The following NTM variants were observed in gnomAD, a reference collection of about 807,000 sequenced individuals.
NTM encodes neurotrimin, also known as IgLON family member 2.
Under a neutral mutation model 42.1 loss-of-function variants are expected in NTM, and 13 were observed. The ratio of observed to expected loss-of-function variants is 0.31; its 90% CI spans 0.20 to 0.49. The LOEUF is 0.49. Ranked by LOEUF, NTM falls within the 20% of genes least tolerant of loss-of-function variation. The probability of loss-of-function intolerance (pLI) is 0.99; values close to 1 mark genes in which losing one functional copy is unlikely to be tolerated. For synonymous variants in NTM, 187 were observed against 179.2 expected, an observed-to-expected ratio of 1.04 and a Z score of -0.35; for missense variants, 373 against 452.8, an observed-to-expected ratio of 0.82 and a Z score of 1.60.
At position 131,891,652 on chromosome 11, in the gene NTM, C is replaced by A. The variant is rs552307259; in HGVS notation, c.83-19912C>A. Among the ~76,000 whole-genome samples the A allele has an allele frequency of 2.0e-5, 3 of 152,250 alleles. No homozygotes were observed. In the South Asian group the frequency reaches 6.2e-4, roughly 32 times the overall value. On this transcript the variant is annotated intron_variant, in intron 1 of 8. Transcript: ENST00000683400. ...GGAAAGCACCCCACAGGGCTCTCTGCGGTGGGAGTTGTGTCACTGGTCCTT... is the reference window on the plus strand; with the variant it reads ...GGAAAGCACCCCACAGGGCTCTCTGAGGTGGGAGTTGTGTCACTGGTCCTT...
chr11:131,753,014 A>C (rs1416567100), intron 1 of NTM, among the ~76,000 whole-genome samples: 2 of 150,820 alleles, frequency 1.3e-5, no homozygotes, highest in African/African-American at 4.9e-5. Flanking sequence ...TAATATCCAG[A>C]ATCTACAATG....
At chr11:131,504,467 T>C (rs1397277927) in intron 1 of NTM, among the ~76,000 whole-genome samples, 2 of 152,186 alleles carry the variant, frequency 1.3e-5, no homozygotes, top group African/African-American at 4.8e-5. Context: ...CGGATCGAAT[T>C]TCTTGGCAGA....
At chr11:131,874,015 T>TATATAATATAATATA (rs1314514357) in intron 1 of NTM, among the ~76,000 whole-genome samples, 52 of 67,492 alleles carry the variant, frequency 7.7e-4, no homozygotes, top group African/African-American at 1.9e-3. Flanking sequence ...ATAATATATT[T>TATATAATATAATATA]ATATAATATA....
intron 4 of NTM, among the ~76,000 whole-genome samples, chr11:132,217,594 G>T (rs568771041): frequency 1.3e-5 from 2 of 152,108 alleles, no homozygotes; most frequent in East Asian, 1.9e-4. Context: ...CCAAGCCCTT[G>T]TTCTGCAAGC....
At chr11:131,815,717 G>T (rs2092925919) in intron 1 of NTM, among the ~76,000 whole-genome samples, 1 of 152,158 alleles carries the variant, frequency 6.6e-6, no homozygotes. Flanking sequence ...CAGCAGAAGG[G>T]CCTAAATTGG....
At chr11:131,888,173 C>T (rs750481652) in intron 1 of NTM, among the ~76,000 whole-genome samples, 16 of 151,988 alleles carry the variant, frequency 1.1e-4, no homozygotes, top group East Asian at 1.9e-4. Flanking sequence ...TGGTGGCGTG[C>T]GCCTGTGGTT....
At chr11:131,745,586 C>T (rs1207148721) in intron 1 of NTM, among the ~76,000 whole-genome samples, 3 of 152,172 alleles carry the variant, frequency 2.0e-5, no homozygotes, top group African/African-American at 7.2e-5. Context: ...TTGAAAGGAT[C>T]AGAGGACTGG....
chr11:131,486,158 A>G (rs1565552810), intron 1 of NTM, among the ~76,000 whole-genome samples: 1 of 152,154 alleles, frequency 6.6e-6, no homozygotes. Flanking sequence ...TGATGATGAT[A>G]ATGATAATAG....
intron 2 of NTM, among the ~76,000 whole-genome samples, chr11:132,019,009 T>C (rs1593778480): frequency 6.6e-6 from 1 of 152,126 alleles, no homozygotes; most frequent in African/African-American, 2.4e-5. Flanking sequence ...AGGTTGTTAA[T>C]AGTATGGTCT....
intron 7 of NTM, chr11:132,317,810 CT>C (rs1226117817): frequency 3.5e-5 from 17 of 485,480 alleles, no homozygotes; most frequent in Admixed American, 1.2e-4. Context: ...ATGTGGAAGG[CT>C]ATTGAAGGAG....
intron 2 of NTM, among the ~76,000 whole-genome samples, chr11:132,043,156 C>T (rs1053408422): frequency 7.9e-5 from 12 of 152,066 alleles, no homozygotes; most frequent in African/African-American, 2.4e-4. Context: ...GCTTTTTGGT[C>T]GTAGCTGAGG....
intron 1 of NTM, among the ~76,000 whole-genome samples, chr11:131,486,886 C>T (rs1213477093): frequency 1.3e-5 from 2 of 152,144 alleles, no homozygotes; most frequent in African/African-American, 2.4e-5. Flanking sequence ...GGATGCCAGC[C>T]CTGGATGGAC....
rs1475982452 is a variant in NTM, at chr11:131,882,417, A to G, written c.83-29147A>G. Reference sequence around the variant, plus strand: ...GAGGCTCACCCCTGTTATGGAGAGTAATCTGCTTTACTGACAGTTCATGGA... The same window carrying G: ...GAGGCTCACCCCTGTTATGGAGAGTGATCTGCTTTACTGACAGTTCATGGA... On this transcript the variant is annotated intron_variant, in intron 1 of 8. Coordinates refer to ENST00000683400, the MANE Select transcript of NTM (RefSeq NM_001352005.2). Among the ~76,000 whole-genome samples, 14 of 152,192 alleles carry G rather than the reference A, an allele frequency of 9.2e-5. 1 individual carries two copies. Among genetic ancestry groups the G allele is most frequent in the Admixed American group, 9.2e-4 (14 of 15,274 alleles).
At chr11:132,123,915 G>A (rs2065245514) in intron 2 of NTM, among the ~76,000 whole-genome samples, 2 of 152,176 alleles carry the variant, frequency 1.3e-5, no homozygotes, top group Non-Finnish European at 2.9e-5. Flanking sequence ...AGGCAGAGTT[G>A]TACCTTGCCT....
At chr11:131,555,271 G>C (rs1199513918) in intron 1 of NTM, among the ~76,000 whole-genome samples, 1 of 152,212 alleles carries the variant, frequency 6.6e-6, no homozygotes, top group Admixed American at 6.5e-5. Context: ...TCTGTGGCAA[G>C]ATATATTTAT....
At chr11:131,517,794 A>C (rs546927332) in intron 1 of NTM, among the ~76,000 whole-genome samples, 1 of 151,246 alleles carries the variant, frequency 6.6e-6, no homozygotes, top group South Asian at 2.1e-4. Context: ...GCCAGCCCCC[A>C]CTCTTTTGAA....
At chr11:131,923,100 G>C (rs1018546716) in intron 2 of NTM, among the ~76,000 whole-genome samples, 3 of 151,790 alleles carry the variant, frequency 2.0e-5, no homozygotes, top group African/African-American at 7.3e-5. Context: ...GTTTGAAATA[G>C]CCATGTCCTC....
At chr11:131,487,060 A>C (rs1565553917) in intron 1 of NTM, among the ~76,000 whole-genome samples, 1 of 152,192 alleles carries the variant, frequency 6.6e-6, no homozygotes. Flanking sequence ...CCCCAGCAAA[A>C]AAAACAGTGT....
At chr11:131,454,122 C>T (rs1293620836) in intron 1 of NTM, among the ~76,000 whole-genome samples, 2 of 152,212 alleles carry the variant, frequency 1.3e-5, no homozygotes, top group Non-Finnish European at 2.9e-5. Flanking sequence ...GTTTCAGTTA[C>T]CTGCAGTACA....
Sources: allele counts gnomAD v4.1 joint callset (sites outside exome capture counted in the v4.1 genomes callset), GRCh38; gene constraint gnomAD v4.1.1; transcripts MANE v1.5; gene names NCBI Gene and HGNC (gene_info 2026-07-23, HGNC 2026-07-21).